Variants in DNAJB5 observed in about 807,000 individuals in gnomAD.
DNAJB5 encodes DnaJ heat shock protein family (Hsp40) member B5, also known as dnaJ homolog subfamily B member 5.
A neutral mutation model predicts 32.6 loss-of-function variants in DNAJB5; 12 were observed. The ratio of observed to expected loss-of-function variants is 0.37; its 90% confidence interval spans 0.24 to 0.60. The LOEUF (loss-of-function observed/expected upper bound fraction) is 0.60, where lower values mean the gene tolerates loss of function less well. DNAJB5 is among the 20% of genes least tolerant of loss of function. DNAJB5 has a pLI of 0.71. For missense variants in DNAJB5, 358 were observed against 554.2 expected (o/e 0.65, Z 3.55); for synonymous variants, 188 against 212.9 (o/e 0.88, Z 1.02).
rs1827799892 is a variant in DNAJB5 at position 34,996,510 on chromosome 9, C to A, written c.673C>A (p.Pro225Thr). The A allele has an allele frequency of 1.2e-6, 2 of 1,614,020 alleles. No homozygotes were observed. Among genetic ancestry groups the A allele is most frequent in the African/African-American group, 2.7e-5 (2 of 74,890 alleles). The change falls in exon 4 of 5, where the codon CCA (proline) becomes ACA (threonine). Residue 225 changes from proline to threonine, a missense_variant. Around this residue, in one of 2 missense-constraint regions of DNAJB5, gnomAD observed 248 missense variants for 442.6 expected, o/e 0.56. Coordinates refer to ENST00000682809, the MANE Select transcript of DNAJB5 (RefSeq NM_001349723.3). This position sits in a 1 kb window ranked among gnomAD's most constrained non-coding sequence, Gnocchi z 7.2. ...RFGFNGLSRG[P>T]RRAPEPLYPR... is the part of the protein sequence containing the mutation. ...TGGCTTCAATGGGCTGAGTAGGGGT[C>A]CAAGGCGAGCCCCAGAACCACTGTA...
chr9:34,992,734 C>A lies in DNAJB5; in HGVS notation c.183-466C>A. ...GGAAGACCCAGGCCTGTTCCCGGTCCTGGGCCACTGCCCCAGCTGCCCTCA... is the reference window on the plus strand; with the variant it reads ...GGAAGACCCAGGCCTGTTCCCGGTCATGGGCCACTGCCCCAGCTGCCCTCA... On this transcript the variant is annotated intron_variant, in intron 2 of 4. Coordinates refer to ENST00000682809, the MANE Select transcript of DNAJB5 (RefSeq NM_001349723.3). 3.1e-6 allele frequency: 3 copies of A among 981,826 alleles called. 1 individual carries two copies. Among genetic ancestry groups the A allele is most frequent in the Non-Finnish European group, 3.7e-6 (3 of 820,348 alleles). The allele number at this position is 981,826 out of a possible 1,614,324, so 60.8% of individuals were successfully genotyped here.
rs2132984592 is a variant in DNAJB5, at chr9:34,996,573, G to A, written c.736G>A (p.Glu246Lys). ...RKVQDPPVVH[E>K]LRVSLEEIYH... is the part of the protein sequence containing the mutation. ...GGTGCAGGACCCCCCAGTGGTGCAC[G>A]AGCTGCGGGTGTCCCTGGAGGAGAT... is the stretch of plus-strand genomic sequence containing the variant. The change falls in exon 4 of 5, where the codon GAG (glutamate) becomes AAG (lysine). Residue 246 changes from glutamate to lysine, a missense_variant. Transcript: ENST00000682809. This position sits in a 1 kb window ranked among gnomAD's most constrained non-coding sequence, Gnocchi z 7.2. The A allele has an allele frequency of 1.9e-6, 3 of 1,614,062 alleles. No homozygotes were observed. The highest frequency in any genetic ancestry group is 2.5e-6 in the Non-Finnish European group (3 of 1,180,012).
chr9:34,998,755 G>T (rs1280555294), downstream of DNAJB5: 1 of 150,340 alleles, frequency 6.7e-6, no homozygotes, highest in Non-Finnish European at 1.5e-5. Flanking sequence ...TTTTCTCTGA[G>T]TCAGACAAAT....
intron 3 of DNAJB5, among the ~76,000 whole-genome samples, chr9:34,994,191 G>A (rs747579538): frequency 1.3e-5 from 2 of 152,212 alleles, no homozygotes; most frequent in African/African-American, 4.8e-5. Context: ...GCTATATTAA[G>A]AGACATTGTC....
chr9:34,989,814 GC>G lies in DNAJB5; in HGVS notation c.-147del. 4.9e-6 allele frequency: 6 copies of G among 1,232,368 alleles called. No individual in the cohort carries two copies. The highest frequency in any genetic ancestry group is 6.1e-6 in the Non-Finnish European group (6 of 988,236). The allele number at this position is 1,232,368 out of a possible 1,614,324, so 76.3% of individuals were successfully genotyped here. A position where few individuals can be genotyped will look rare whatever the true frequency, so the allele number is the denominator to read the frequency against. ...CGGCTGTCTCACGGACCACGGCGGC[GC>G]CCGCAGCTCCTCACCGGTGAGGGCG... On this transcript the variant is annotated 5_prime_UTR_variant, in exon 1 of 5. Coordinates refer to ENST00000682809, the MANE Select transcript of DNAJB5 (RefSeq NM_001349723.3).
chr9:34,990,155 C>A lies in DNAJB5; in HGVS notation c.-133+324C>A. On this transcript the variant is annotated intron_variant, in intron 1 of 4. Coordinates refer to ENST00000682809, the MANE Select transcript of DNAJB5 (RefSeq NM_001349723.3). The surrounding 1 kb of genome is among the most constrained non-coding windows in gnomAD (Gnocchi z 4.5). ...CACCGACCACCCTCCCCCGCCCGAG[C>A]CCCCTCCCCTCCTCTCCTCGCCGCG... 1.2e-6 allele frequency: 1 copy of A among 809,170 alleles called. No homozygotes were observed. Among genetic ancestry groups the A allele is most frequent in the East Asian group, 3.6e-5 (1 of 27,962 alleles). 50.1% of individuals were successfully genotyped at this position (809,170 alleles called of 1,614,324 possible). A position where few individuals can be genotyped will look rare whatever the true frequency, so the allele number is the denominator to read the frequency against.
At chr9:34,998,568 C>G (rs999613957), downstream of DNAJB5, 1 of 152,088 alleles carries the variant, frequency 6.6e-6, no homozygotes, top group African/African-American at 2.4e-5. Flanking sequence ...CTGCCTTCCT[C>G]GAAGCCTCCT....
intron 3 of DNAJB5, among the ~76,000 whole-genome samples, chr9:34,995,447 G>A (rs1048068628): frequency 6.6e-6 from 1 of 152,106 alleles, no homozygotes; most frequent in Non-Finnish European, 1.5e-5. Context: ...AGCAGCTAAG[G>A]TCACCACTGC....
Position 34,997,510 on chromosome 9 carries a change from C to T in DNAJB5, c.*251C>T. 1.6e-6 allele frequency: 1 copy of T among 628,196 alleles called. No homozygotes were observed. Among genetic ancestry groups the T allele is most frequent in the Non-Finnish European group, 2.9e-6 (1 of 343,060 alleles). 38.9% of individuals were successfully genotyped at this position (628,196 alleles called of 1,614,324 possible). A position where few individuals can be genotyped will look rare whatever the true frequency, so the allele number is the denominator to read the frequency against. On this transcript the variant is annotated 3_prime_UTR_variant, in exon 5 of 5. Coordinates refer to ENST00000682809, the MANE Select transcript of DNAJB5 (RefSeq NM_001349723.3). This position sits in a 1 kb window ranked among gnomAD's most constrained non-coding sequence, Gnocchi z 4.1. Reference sequence around the variant, plus strand: ...AATGTTCATGTCACTAGCTTTCAATCCAGTTTCCACTGCAGTGGCTGGAGA... The same window carrying T: ...AATGTTCATGTCACTAGCTTTCAATTCAGTTTCCACTGCAGTGGCTGGAGA...
In DNAJB5 at chr9:34,993,800, T is replaced by C. The variant is rs147447176; in HGVS notation, c.427+356T>C. Among the ~76,000 whole-genome samples the C allele has an allele frequency of 1.5e-4, 23 of 152,322 alleles. No homozygotes were observed. In the East Asian group the frequency reaches 4.4e-3, roughly 29 times the overall value. ...GTTGGGGAGAGGGAGTGTGTGGCTC[T>C]CTGAGGACAGAGCATTTACATTCAT... On this transcript the variant is annotated intron_variant, in intron 3 of 4. Coordinates refer to ENST00000682809, the MANE Select transcript of DNAJB5 (RefSeq NM_001349723.3). This position sits in a 1 kb window ranked among gnomAD's most constrained non-coding sequence, Gnocchi z 4.7.
Position 34,993,451 on chromosome 9 carries a change from G to A in DNAJB5, c.427+7G>A. 6.2e-7 allele frequency: 1 copy of A among 1,608,602 alleles called. No homozygotes were observed. The highest frequency in any genetic ancestry group is 8.5e-7 in the Non-Finnish European group (1 of 1,178,538). On this transcript the variant is annotated splice_region_variant and intron_variant, in intron 3 of 4. Coordinates refer to ENST00000682809, the MANE Select transcript of DNAJB5 (RefSeq NM_001349723.3). This position sits in a 1 kb window ranked among gnomAD's most constrained non-coding sequence, Gnocchi z 4.7. The stretch of plus-strand genomic sequence containing the variant: ...GACCAGTATGGGGAGGAAGGTAAGA[G>A]GGCAGCACTCCAGCCCAATCCCGGA...
rs748912814 is a variant in DNAJB5, at chr9:34,997,121, A to G, written c.1125A>G (p.Arg375=). 2 of 1,613,744 alleles carry G rather than the reference A, an allele frequency of 1.2e-6. No individual in the cohort carries two copies. Among genetic ancestry groups the G allele is most frequent in the Non-Finnish European group, 1.7e-6 (2 of 1,179,974 alleles). Residue 375 remains arginine, a synonymous_variant, in exon 5 of 5, where the codon AGA becomes AGG. Transcript: ENST00000682809. This position sits in a 1 kb window ranked among gnomAD's most constrained non-coding sequence, Gnocchi z 4.1. ...TCATCAAGCCAGGCACCGTGAAGAGACTCCGTGGGGAGGGCCTTCCCTTCC... is the reference window on the plus strand; with the variant it reads ...TCATCAAGCCAGGCACCGTGAAGAGGCTCCGTGGGGAGGGCCTTCCCTTCC... ...NDVIKPGTVK[R]LRGEGLPFPK... is the part of the protein sequence containing the mutation.
In DNAJB5 at chr9:34,993,592, GC is replaced by G; in HGVS notation, c.427+151del. The G allele has an allele frequency of 9.3e-7, 1 of 1,080,184 alleles. No homozygotes were observed. The highest frequency in any genetic ancestry group is 1.3e-6 in the Non-Finnish European group (1 of 771,032). The allele number at this position is 1,080,184 out of a possible 1,614,324, so 66.9% of individuals were successfully genotyped here. ...GCACTGTCACCCAGAGAAGAGAGAA[GC>G]CCACCCACTACCCAGCTCAGCTCAC... On this transcript the variant is annotated intron_variant, in intron 3 of 4. Coordinates refer to ENST00000682809, the MANE Select transcript of DNAJB5 (RefSeq NM_001349723.3). The surrounding 1 kb of genome is among the most constrained non-coding windows in gnomAD (Gnocchi z 4.7).
At position 34,993,512 on chromosome 9, in the gene DNAJB5, T is replaced by G; in HGVS notation, c.427+68T>G. ...TGGTAGGGGTCCCAGGTGCACCAGT[T>G]TGTGTAGCGGGGAACTGGAGGCTGT... On this transcript the variant is annotated intron_variant, in intron 3 of 4. Coordinates refer to ENST00000682809, the MANE Select transcript of DNAJB5 (RefSeq NM_001349723.3). This position sits in a 1 kb window ranked among gnomAD's most constrained non-coding sequence, Gnocchi z 4.7. 6.5e-7 allele frequency: 1 copy of G among 1,548,230 alleles called. No individual in the cohort carries two copies. Among genetic ancestry groups the G allele is most frequent in the Non-Finnish European group, 8.7e-7 (1 of 1,152,340 alleles).
intron 2 of DNAJB5, chr9:34,991,054 TCCTC>T (rs956536373): frequency 5.4e-6 from 3 of 558,596 alleles, no homozygotes; most frequent in African/African-American, 3.8e-5. Flanking sequence ...CTCTCCACAT[TCCTC>T]CCTTTCAACC....
chr9:34,995,988 G>A (rs1014287322), intron 3 of DNAJB5, among the ~76,000 whole-genome samples: 5 of 152,362 alleles, frequency 3.3e-5, no homozygotes, highest in Middle Eastern at 3.4e-3. Flanking sequence ...AGGACTGGAA[G>A]TCACATCCTC....
In DNAJB5 at chr9:34,996,614, C is replaced by T; in HGVS notation, c.777C>T (p.Thr259=). Reference sequence around the variant, plus strand: ...TGGAGGAGATCTACCATGGCTCCACCAAGCGCATGAAGATCACAAGGCGTC... The same window carrying T: ...TGGAGGAGATCTACCATGGCTCCACTAAGCGCATGAAGATCACAAGGCGTC... The part of the protein sequence containing the change: ...VSLEEIYHGS[T]KRMKITRRRL... Residue 259 remains threonine, a synonymous_variant, in exon 4 of 5, where the codon ACC becomes ACT. Coordinates refer to ENST00000682809, the MANE Select transcript of DNAJB5 (RefSeq NM_001349723.3). This position sits in a 1 kb window ranked among gnomAD's most constrained non-coding sequence, Gnocchi z 7.2. 1 of 1,614,172 alleles carries T rather than the reference C, an allele frequency of 6.2e-7. No homozygotes were observed. Among genetic ancestry groups the T allele is most frequent in the Non-Finnish European group, 8.5e-7 (1 of 1,180,044 alleles).
At position 34,997,093 on chromosome 9, in the gene DNAJB5, A is replaced by G; in HGVS notation, c.1097A>G (p.Asp366Gly). The G allele has an allele frequency of 6.2e-7, 1 of 1,614,110 alleles. No homozygotes were observed. Among genetic ancestry groups the G allele is most frequent in the Non-Finnish European group, 8.5e-7 (1 of 1,180,040 alleles). Residue 366 changes from aspartate (D) to glycine (G), a missense_variant, in exon 5 of 5, where the codon GAT becomes GGT. This residue lies in a region of DNAJB5 where 248 missense variants were observed against 442.6 expected (regional missense o/e 0.56). Coordinates refer to ENST00000682809, the MANE Select transcript of DNAJB5 (RefSeq NM_001349723.3). The surrounding 1 kb of genome is among the most constrained non-coding windows in gnomAD (Gnocchi z 4.1). ...DGRVIPLPCN[D>G]VIKPGTVKRL... ...CGAGTGATCCCTTTGCCCTGCAATG[A>G]TGTCATCAAGCCAGGCACCGTGAAG...
At position 34,990,247 on chromosome 9, in the gene DNAJB5, C is replaced by G. The variant is rs1827585339; in HGVS notation, c.-132-252C>G. ...CGAGGGAGGAGACTCCCGTCAGTGACTTCATTGAGTAGGTTCTTGGGGATT... is the reference window on the plus strand; with the variant it reads ...CGAGGGAGGAGACTCCCGTCAGTGAGTTCATTGAGTAGGTTCTTGGGGATT... On this transcript the variant is annotated intron_variant, in intron 1 of 4. Coordinates refer to ENST00000682809, the MANE Select transcript of DNAJB5 (RefSeq NM_001349723.3). The surrounding 1 kb of genome is among the most constrained non-coding windows in gnomAD (Gnocchi z 4.5). 3 of 1,330,918 alleles carry G rather than the reference C, an allele frequency of 2.3e-6. No homozygotes were observed. The highest frequency in any genetic ancestry group is 2.9e-6 in the Non-Finnish European group (3 of 1,022,430). 82.4% of individuals were successfully genotyped at this position (1,330,918 alleles called of 1,614,324 possible). A position where few individuals can be genotyped will look rare whatever the true frequency, so the allele number is the denominator to read the frequency against.
Sources: gnomAD v4.1 joint callset for allele counts (sites outside exome capture counted in the v4.1 genomes callset) on GRCh38, gnomAD v4.1.1 for gene constraint, gnomAD v4.1.1 regional missense constraint, Gnocchi (gnomAD v3.1) non-coding constraint, MANE v1.5 for transcripts, NCBI Gene and HGNC (gene_info 2026-07-23, HGNC 2026-07-21) for gene names.